Variants in SYTL2 observed in about 807,000 individuals in gnomAD.
SYTL2 encodes synaptotagmin-like protein 2.
Under a neutral mutation model 198.7 loss-of-function variants are expected in SYTL2, and 165 were observed. That is an observed-to-expected ratio of 0.83 (90% CI 0.73 to 0.94). The LOEUF (loss-of-function observed/expected upper bound fraction) is 0.94. Among genes scored for constraint, SYTL2 ranks in the 40% least tolerant of loss-of-function variants. The pLI, the probability that SYTL2 is intolerant of heterozygous loss-of-function variation, is 0.00. For synonymous variants in SYTL2, 966 were observed against 917.7 expected (o/e 1.05, Z -0.95); for missense variants, 2,835 against 2,582.8 (o/e 1.10, Z -2.12).
rs762928106 is a variant in SYTL2 at position 85,704,970 on chromosome 11, C to A, written c.6077G>T (p.Arg2026Leu). Residue 2026 changes from arginine (R) to leucine (L), a missense_variant, in exon 16 of 20, where the codon CGG becomes CTG. Coordinates refer to ENST00000359152, the MANE Select transcript of SYTL2 (RefSeq NM_206927.4). ...GAAACTATTGCGCTTAAATGTATCC[C>A]GATGCCAAATGGACAGGTTCAATTT... The part of the protein sequence containing the change: ...TQKLNLSIWH[R>L]DTFKRNSFLG... 3 of 1,613,294 alleles carry A rather than the reference C, an allele frequency of 1.9e-6. No individual in the cohort carries two copies. The highest frequency in any genetic ancestry group is 2.5e-6 in the Non-Finnish European group (3 of 1,179,492).
chr11:85,734,581 T>G lies in SYTL2; in HGVS notation c.748A>C (p.Lys250Gln), dbSNP rs1183776463. Residue 250 changes from lysine (K) to glutamine (Q), a missense_variant, in exon 7 of 20, where the codon AAA becomes CAA. By Grantham distance (53) the Lys-to-Gln change is moderately conservative. This residue lies in a region of SYTL2 where 2,645 missense variants were observed against 2,381.7 expected (regional missense o/e 1.11). Transcript: ENST00000359152. Reference sequence around the variant, plus strand: ...CTAGGAAAAGACTGGTTATCATCTTTGTTTAAATCAGTTGATTTGTAGATC... The same window carrying G: ...CTAGGAAAAGACTGGTTATCATCTTGGTTTAAATCAGTTGATTTGTAGATC... ...KMIYKSTDLN[K>Q]DDNQSFPRQR... The G allele has an allele frequency of 6.2e-7, 1 of 1,614,238 alleles. No individual in the cohort carries two copies. Among genetic ancestry groups the G allele is most frequent in the Non-Finnish European group, 8.5e-7 (1 of 1,180,040 alleles).
intron 1 of SYTL2, among the ~76,000 whole-genome samples, chr11:85,774,407 T>C (rs652615): frequency 0.58 from 88,732 of 151,928 alleles, 27,045 homozygotes; most frequent in Middle Eastern, 0.68. Context: ...AACTCAGGTC[T>C]ACCTAGCTCC....
At chr11:85,807,024 G>A (rs2092967792) in intron 1 of SYTL2, among the ~76,000 whole-genome samples, 1 of 152,246 alleles carries the variant, frequency 6.6e-6, no homozygotes, top group Non-Finnish European at 1.5e-5. Flanking sequence ...ATGGCTACTG[G>A]CACTCACATG....
At chr11:85,851,906 A>T in the SYTL2 span, among the ~76,000 whole-genome samples, 1 of 152,238 alleles carries the variant, frequency 6.6e-6, no homozygotes, top group Non-Finnish European at 1.5e-5. Context: ...ATGTTATTTT[A>T]GGGAAAACCA....
rs547828170 is a variant in SYTL2, at chr11:85,719,393, ATGG to A, written c.5429-553_5429-551del. 2.0e-4 allele frequency: 202 copies of A among 1,001,126 alleles called. 1 individual carries two copies. The African/African-American group carries it at 3.1e-3, about 15-fold the overall frequency. The allele number at this position is 1,001,126 out of a possible 1,614,324, so 62.0% of individuals were successfully genotyped here. A position where few individuals can be genotyped will look rare whatever the true frequency, so the allele number is the denominator to read the frequency against. The stretch of plus-strand genomic sequence containing the variant: ...AGCGTGCAGGAATACCCGTCAGCTG[ATGG>A]TGATTTTTTTTTAACCCTATACATT... On this transcript the variant is annotated intron_variant, in intron 9 of 19. Transcript: ENST00000359152.
chr11:85,719,211 A>G, intron 9 of SYTL2: 3 of 1,226,656 alleles, frequency 2.4e-6, no homozygotes, highest in Non-Finnish European at 3.1e-6. Context: ...TCCCAAACCC[A>G]TGGTCATTAA....
intron 1 of SYTL2, among the ~76,000 whole-genome samples, chr11:85,763,051 T>C (rs1384903374): frequency 6.6e-6 from 1 of 152,170 alleles, no homozygotes; most frequent in Admixed American, 6.5e-5. Flanking sequence ...ACTAGGTCAA[T>C]ATTATTCAAT....
At chr11:85,801,713 T>C (rs972762627) in intron 1 of SYTL2, among the ~76,000 whole-genome samples, 3 of 152,188 alleles carry the variant, frequency 2.0e-5, no homozygotes, top group African/African-American at 7.2e-5. Context: ...AAGGGTCAGA[T>C]TGTAGCCTCA....
At position 85,698,216 on chromosome 11, in the gene SYTL2, C is replaced by T. The variant is rs566950064; in HGVS notation, c.6269-138G>A. 2.1e-5 allele frequency: 13 copies of T among 618,016 alleles called. No homozygotes were observed. The African/African-American group carries it at 2.2e-4, about 11-fold the overall frequency. The allele number at this position is 618,016 out of a possible 1,614,324, so 38.3% of individuals were successfully genotyped here. A position where few individuals can be genotyped will look rare whatever the true frequency, so the allele number is the denominator to read the frequency against. On this transcript the variant is annotated intron_variant, in intron 17 of 19. Coordinates refer to ENST00000359152, the MANE Select transcript of SYTL2 (RefSeq NM_206927.4). ...ATGATATCATCTGAACTGATTAAAT[C>T]TATACAGTCTTAACTAAGTCTTCAT...
chr11:85,722,320 G>T (rs956885722), intron 8 of SYTL2, among the ~76,000 whole-genome samples: 2 of 151,786 alleles, frequency 1.3e-5, no homozygotes, highest in Non-Finnish European at 2.9e-5. Context: ...TGGGACTACA[G>T]CCACCACCAC....
At chr11:85,723,958 T>TA (rs34653849) in intron 8 of SYTL2, 74 bp downstream of exon 8, 470,842 of 760,824 alleles carry the variant, frequency 0.62, 149,781 homozygotes, top group Middle Eastern at 0.64. Flanking sequence ...TAATCCCAAT[T>TA]AAAAAAAATC....
chr11:85,700,379 A>G, intron 17 of SYTL2, 136 bp downstream of exon 17: 3 of 595,232 alleles, frequency 5.0e-6, no homozygotes, highest in Non-Finnish European at 6.0e-6. Context: ...TACAACTGTG[A>G]ATAGACTCAT....
the SYTL2 span, among the ~76,000 whole-genome samples, chr11:85,840,764 A>G: frequency 1.3e-5 from 2 of 152,134 alleles, no homozygotes; most frequent in Non-Finnish European, 2.9e-5. Flanking sequence ...TATAAAAACC[A>G]TGGAAGGCAA....
chr11:85,839,781 T>G, the SYTL2 span, among the ~76,000 whole-genome samples: 6 of 152,328 alleles, frequency 3.9e-5, no homozygotes, highest in East Asian at 1.2e-3. Context: ...CTGATTTCCT[T>G]TCTTTTGAGT....
chr11:85,714,494 A>G lies in SYTL2; in HGVS notation c.5544T>C (p.Pro1848=), dbSNP rs1166234105. ...NECVPRISTV[P]TQPDNPFSHP... ...GAGAAAATGGATTATCAGGTTGTGT[A>G]GGCACTGTGGAAACTAAACAGCAGC... The change falls in exon 12 of 20, where the codon CCT becomes CCC. Residue 1848 remains proline (P), a synonymous_variant. Coordinates refer to ENST00000359152, the MANE Select transcript of SYTL2 (RefSeq NM_206927.4). The G allele has an allele frequency of 6.2e-7, 1 of 1,613,082 alleles. No individual in the cohort carries two copies.
chr11:85,701,081 TA>T lies in SYTL2; in HGVS notation c.6190-489del, dbSNP rs899429859. Among the ~76,000 whole-genome samples, 241 of 152,360 alleles carry T rather than the reference TA, an allele frequency of 1.6e-3. 1 individual carries two copies. Among genetic ancestry groups the T allele is most frequent in the African/African-American group, 5.6e-3 (233 of 41,590 alleles). ...TTTAGGCCAAATGCATAGAAGTCTG[TA>T]AGTATAACAAAGACTGAACAATAAT... On this transcript the variant is annotated intron_variant, in intron 16 of 19. Coordinates refer to ENST00000359152, the MANE Select transcript of SYTL2 (RefSeq NM_206927.4).
the SYTL2 span, among the ~76,000 whole-genome samples, chr11:85,824,200 A>G: frequency 6.6e-6 from 1 of 152,138 alleles, no homozygotes; most frequent in Non-Finnish European, 1.5e-5. Flanking sequence ...CCTCAGCAAT[A>G]CAGACAGAGG....
rs371153408 is a variant in SYTL2, at chr11:85,718,771, A to C, written c.5482+19T>G. On this transcript the variant is annotated intron_variant, in intron 10 of 19. Transcript: ENST00000359152. ...AAGTTAATACAAAGACAGACACGCA[A>C]ATACATAAAGATATTTACCATCTTC... 4.3e-6 allele frequency: 7 copies of C among 1,611,832 alleles called. No homozygotes were observed. In the African/African-American group the frequency reaches 8.0e-5, roughly 18 times the overall value.
At chr11:85,809,875 GGAGGAAAGT>G (rs1187866684) in intron 1 of SYTL2, among the ~76,000 whole-genome samples, 1 of 152,210 alleles carries the variant, frequency 6.6e-6, no homozygotes, top group Non-Finnish European at 1.5e-5. Context: ...CTTCAGGGGT[GGAGGAAAGT>G]GAGGGAAGGG....
Sources: allele counts gnomAD v4.1 joint callset (sites outside exome capture counted in the v4.1 genomes callset), GRCh38; gene constraint gnomAD v4.1.1; regional missense constraint gnomAD v4.1.1; transcripts MANE v1.5; gene names NCBI Gene and HGNC (gene_info 2026-07-23, HGNC 2026-07-21).